SMYD3: variants seen among roughly 807,000 people sequenced by gnomAD.
SMYD3 encodes the protein histone-lysine N-methyltransferase SMYD3.
SMYD3 carries 36 observed loss-of-function variants against 57.7 expected under a neutral mutation model. That is an observed-to-expected ratio of 0.62 (90% confidence interval 0.48 to 0.82). The LOEUF (loss-of-function observed/expected upper bound fraction) is 0.82, where lower values mean the gene tolerates loss of function less well. Among genes scored for constraint, SMYD3 ranks in the 40% least tolerant of loss-of-function variants. The pLI, the probability that SMYD3 is intolerant of heterozygous loss-of-function variation, is 0.00. For synonymous variants in SMYD3, 211 were observed against 195.0 expected (o/e 1.08, Z -0.68); for missense variants, 515 against 538.8 (o/e 0.96, Z 0.44).
intron 1 of SMYD3, among the ~76,000 whole-genome samples, chr1:246,359,188 A>C (rs1323591265): frequency 1.3e-5 from 2 of 152,214 alleles, no homozygotes; most frequent in Non-Finnish European, 2.9e-5. Flanking sequence ...GAACACCTTT[A>C]TGTGCCTAAA....
chr1:246,363,250 T>TG (rs555974136), intron 1 of SMYD3, among the ~76,000 whole-genome samples: 1 of 140,960 alleles, frequency 7.1e-6, no homozygotes, highest in Non-Finnish European at 1.5e-5. Flanking sequence ...GGGAGGGAGG[T>TG]GGGGGTTAGC....
chr1:246,441,557 G>C (rs1304161129), intron 1 of SMYD3, among the ~76,000 whole-genome samples: 1 of 152,076 alleles, frequency 6.6e-6, no homozygotes, highest in East Asian at 1.9e-4. Context: ...ACTGAAACAA[G>C]GACAAAAAAT....
chr1:246,133,721 A>C lies in SMYD3; in HGVS notation c.531+193480T>G, dbSNP rs552199810. On this transcript the variant is annotated intron_variant, in intron 5 of 11. Coordinates refer to ENST00000490107, the MANE Select transcript of SMYD3 (RefSeq NM_001167740.2). The stretch of plus-strand genomic sequence containing the variant: ...GCTTTTATATTATTTTATAAGAAGA[A>C]GGAGAAAGAGGGAGAACACATGTGC... Among the ~76,000 whole-genome samples, 5 of 152,116 alleles carry C rather than the reference A, an allele frequency of 3.3e-5. No homozygotes were observed. In the South Asian group the frequency reaches 1.0e-3, roughly 31 times the overall value.
intron 5 of SMYD3, among the ~76,000 whole-genome samples, chr1:246,232,376 A>G (rs1278146240): frequency 1.3e-5 from 2 of 152,210 alleles, no homozygotes; most frequent in African/African-American, 4.8e-5. Flanking sequence ...GTGAATTTCA[A>G]TGAGGTGGGA....
intron 5 of SMYD3, among the ~76,000 whole-genome samples, chr1:246,104,426 C>CAAAAT (rs1327416977): frequency 2.0e-5 from 3 of 152,144 alleles, no homozygotes; most frequent in Non-Finnish European, 4.4e-5. Flanking sequence ...AAATAAGAAA[C>CAAAAT]AAAATAAAAA....
chr1:245,990,551 T>C (rs1436432733), intron 5 of SMYD3, among the ~76,000 whole-genome samples: 1 of 152,198 alleles, frequency 6.6e-6, no homozygotes, highest in East Asian at 1.9e-4. Context: ...TAGGAGTAGA[T>C]TTGTTATTCA....
At chr1:246,148,986 A>T (rs1397607046) in intron 5 of SMYD3, among the ~76,000 whole-genome samples, 1 of 152,216 alleles carries the variant, frequency 6.6e-6, no homozygotes, top group African/African-American at 2.4e-5. Context: ...GGACAAATGC[A>T]GCTGATGTCA....
intron 1 of SMYD3, among the ~76,000 whole-genome samples, chr1:246,376,606 A>AAAAC (rs1337567713): frequency 3.4e-4 from 51 of 151,304 alleles, no homozygotes; most frequent in Non-Finnish European, 6.9e-4. Context: ...AAAAAAAAAA[A>AAAAC]AAAACTAAAC....
chr1:245,873,349 T>C (rs1012929956), intron 8 of SMYD3, among the ~76,000 whole-genome samples: 11 of 152,192 alleles, frequency 7.2e-5, no homozygotes, highest in Non-Finnish European at 1.2e-4. Context: ...GACTACCAAA[T>C]GGATGGCTTA....
intron 2 of SMYD3, among the ~76,000 whole-genome samples, chr1:246,351,593 G>A (rs780583981): frequency 9.9e-5 from 15 of 152,080 alleles, no homozygotes; most frequent in Non-Finnish European, 1.9e-4. Context: ...AAAATATTTT[G>A]ACCAGTAACA....
chr1:245,938,145 G>A (rs754024312), intron 5 of SMYD3, among the ~76,000 whole-genome samples: 13 of 152,226 alleles, frequency 8.5e-5, no homozygotes, highest in Non-Finnish European at 1.8e-4. Flanking sequence ...ACTTTTGGCA[G>A]GCAAGGGTTT....
intron 11 of SMYD3, 101 bp from the exon 12 acceptor site, chr1:245,749,765 A>G (rs933922311): frequency 1.2e-6 from 1 of 825,042 alleles, no homozygotes; most frequent in Admixed American, 2.1e-5. Flanking sequence ...TGAACCCCAC[A>G]GGTTTACAGG....
chr1:246,280,035 A>G (rs10754506), intron 5 of SMYD3, among the ~76,000 whole-genome samples: 51,024 of 152,060 alleles, frequency 0.34, 9,442 homozygotes, highest in East Asian at 0.72. Flanking sequence ...GCCTAGTCTT[A>G]TAAATGTGAA....
intron 5 of SMYD3, among the ~76,000 whole-genome samples, chr1:246,025,612 C>T (rs2059560837): frequency 6.6e-6 from 1 of 152,148 alleles, no homozygotes; most frequent in African/African-American, 2.4e-5. Flanking sequence ...AAAGAAAGCA[C>T]AGACAGAAAT....
At chr1:246,218,419 C>G (rs1277132559) in intron 5 of SMYD3, among the ~76,000 whole-genome samples, 3 of 152,096 alleles carry the variant, frequency 2.0e-5, no homozygotes, top group East Asian at 3.9e-4. Context: ...GTCAGGAGAT[C>G]GAGACCATCC....
intron 5 of SMYD3, among the ~76,000 whole-genome samples, chr1:246,172,351 C>T (rs2062353716): frequency 1.3e-5 from 2 of 150,664 alleles, no homozygotes; most frequent in Admixed American, 1.3e-4. Flanking sequence ...CTACTGTAGA[C>T]TTTATCAACA....
chr1:246,386,948 G>A (rs1294555911), intron 1 of SMYD3, among the ~76,000 whole-genome samples: 4 of 151,524 alleles, frequency 2.6e-5, no homozygotes, highest in Non-Finnish European at 5.9e-5. Context: ...CACAATAAGC[G>A]AGAGTCTTCG....
At chr1:245,819,375 T>C in intron 10 of SMYD3, among the ~76,000 whole-genome samples, 1 of 100,194 alleles carries the variant, frequency 1.0e-5, no homozygotes, top group African/African-American at 3.3e-5. Flanking sequence ...TACCAGAATC[T>C]CTGGGACGCA....
intron 5 of SMYD3, among the ~76,000 whole-genome samples, chr1:246,210,739 G>C (rs550417214): frequency 6.6e-6 from 1 of 151,822 alleles, no homozygotes; most frequent in South Asian, 2.1e-4. Context: ...AAACAGAATT[G>C]GCTCTACAAA....
Sources: gnomAD v4.1 joint callset for allele counts (sites outside exome capture counted in the v4.1 genomes callset) on GRCh38, gnomAD v4.1.1 for gene constraint, MANE v1.5 for transcripts, NCBI Gene and HGNC (gene_info 2026-07-23, HGNC 2026-07-21) for gene names.